The following ANO3 variants were observed in gnomAD, a reference collection of about 807,000 sequenced individuals.
ANO3 encodes anoctamin-3.
ANO3 carries 99 observed loss-of-function variants against 144.8 expected under a neutral mutation model. The ratio of observed to expected loss-of-function variants is 0.68; its 90% CI spans 0.58 to 0.81. The LOEUF is 0.81. Among genes scored for constraint, ANO3 ranks in the 30% least tolerant of loss-of-function variants. The pLI is 0.00. For missense variants in ANO3, 905 were observed against 1,202.2 expected (o/e 0.75, Z 3.66); for synonymous variants, 414 against 392.6 (o/e 1.05, Z -0.64).
intron 14 of ANO3, chr11:26,565,098 T>C: frequency 7.0e-7 from 1 of 1,432,532 alleles, no homozygotes; most frequent in South Asian, 1.5e-5. Context: ...TCCTTAGACT[T>C]ACTCTGCATG....
intron 1 of ANO3, among the ~76,000 whole-genome samples, chr11:26,412,065 T>C (rs1857447425): frequency 6.6e-6 from 1 of 152,050 alleles, no homozygotes; most frequent in Non-Finnish European, 1.5e-5. Flanking sequence ...AGTTATATAC[T>C]GATCATTTCT....
At chr11:26,350,257 AC>A (rs1229957572) in intron 1 of ANO3, among the ~76,000 whole-genome samples, 2 of 152,070 alleles carry the variant, frequency 1.3e-5, no homozygotes, top group East Asian at 3.9e-4. Context: ...GTCAGGAAAC[AC>A]CCATCAGCAC....
chr11:26,334,747 C>T (rs970332559), intron 1 of ANO3, among the ~76,000 whole-genome samples: 1 of 152,096 alleles, frequency 6.6e-6, no homozygotes, highest in African/African-American at 2.4e-5. Context: ...TTTACTTTTA[C>T]GAATTAATTT....
chr11:26,253,070 C>T (rs1161738218), intron 1 of ANO3, among the ~76,000 whole-genome samples: 1 of 152,148 alleles, frequency 6.6e-6, no homozygotes, highest in Non-Finnish European at 1.5e-5. Flanking sequence ...TAACGCTTCA[C>T]AATAATGACT....
intron 1 of ANO3, among the ~76,000 whole-genome samples, chr11:26,341,049 C>CTCTTT (rs888346184): frequency 3.9e-5 from 6 of 152,120 alleles, no homozygotes; most frequent in South Asian, 2.1e-4. Flanking sequence ...TCCTTCTCTT[C>CTCTTT]TCTTTTCTTT....
intron 1 of ANO3, among the ~76,000 whole-genome samples, chr11:26,201,125 A>G (rs925396966): frequency 6.6e-6 from 1 of 152,182 alleles, no homozygotes; most frequent in Non-Finnish European, 1.5e-5. Flanking sequence ...ACCAAAAGTC[A>G]CATATATAAG....
intron 1 of ANO3, among the ~76,000 whole-genome samples, chr11:26,385,908 T>TATATATATATAC (rs1310559300): frequency 6.3e-4 from 94 of 149,456 alleles, no homozygotes; most frequent in African/African-American, 2.1e-3. Context: ...TATATTTATA[T>TATATATATATAC]ACATATTTAC....
intron 17 of ANO3, 33 bp downstream of exon 17, chr11:26,599,747 A>G: frequency 6.3e-7 from 1 of 1,583,008 alleles, no homozygotes; most frequent in Admixed American, 1.7e-5. Flanking sequence ...TTCAGTAGAC[A>G]AAAAAGGGGT....
intron 26 of ANO3, among the ~76,000 whole-genome samples, chr11:26,657,710 C>G (rs992181734): frequency 3.3e-5 from 5 of 150,630 alleles, no homozygotes; most frequent in Non-Finnish European, 7.4e-5. Context: ...TTTGAGTGTT[C>G]TTTTTCAAAA....
chr11:26,205,584 G>A (rs575263997), intron 1 of ANO3, among the ~76,000 whole-genome samples: 2 of 152,280 alleles, frequency 1.3e-5, no homozygotes, highest in East Asian at 3.9e-4. Flanking sequence ...TTTGGCCAGA[G>A]CAGTCACTCT....
chr11:26,548,244 T>G (rs1232996116), intron 12 of ANO3, among the ~76,000 whole-genome samples: 1 of 151,968 alleles, frequency 6.6e-6, no homozygotes, highest in Non-Finnish European at 1.5e-5. Flanking sequence ...ATGGTGATGC[T>G]TCTGTTAAAG....
At chr11:26,658,386 G>A (rs933194487) in intron 26 of ANO3, among the ~76,000 whole-genome samples, 1 of 146,694 alleles carries the variant, frequency 6.8e-6, no homozygotes, top group Admixed American at 6.8e-5. Context: ...GGCCCAGGCA[G>A]GTGGATCACC....
chr11:26,415,087 T>TGTGC (rs1857544752), intron 1 of ANO3, among the ~76,000 whole-genome samples: 1 of 147,908 alleles, frequency 6.8e-6, no homozygotes, highest in African/African-American at 2.6e-5. Context: ...TGTGTGTGTG[T>TGTGC]GTTTGGGAGT....
intron 18 of ANO3, among the ~76,000 whole-genome samples, chr11:26,629,709 G>A (rs1337649704): frequency 6.6e-6 from 1 of 151,982 alleles, no homozygotes; most frequent in African/African-American, 2.4e-5. Context: ...TCGACTCACC[G>A]CAACCTCCGC....
chr11:26,553,212 ATGTTT>A (rs771953129), intron 12 of ANO3, 32 bp from the exon 13 acceptor site: 15 of 1,240,180 alleles, frequency 1.2e-5, no homozygotes, highest in South Asian at 3.8e-5. Flanking sequence ...GTTTCATGCT[ATGTTT>A]TGTTTTGTTT....
Position 26,245,018 on chromosome 11 carries a change from T to TGTGTGTGTGCGC in ANO3, c.154+55691_154+55692insTGTGTGCGCGTG, listed in dbSNP as rs151031559. On this transcript the variant is annotated intron_variant, in intron 1 of 27. Transcript: ENST00000672621. ...GTGTGTGTGTGTGTGTGTGTGTGTG[T>TGTGTGTGTGCGC]GTGCATGCATGCATTTGTCTTTCAT... 9.0e-4 allele frequency among the ~76,000 whole-genome samples: 131 copies of TGTGTGTGTGCGC among 145,424 alleles called. 1 individual carries two copies. The highest frequency in any genetic ancestry group is 2.6e-3 in the East Asian group (13 of 5,008).
At chr11:26,263,986 C>A (rs747963183) in intron 1 of ANO3, among the ~76,000 whole-genome samples, 5 of 152,142 alleles carry the variant, frequency 3.3e-5, no homozygotes, top group African/African-American at 1.2e-4. Context: ...ACATTTAGTT[C>A]CATGTAATCA....
chr11:26,525,739 G>C, intron 7 of ANO3, 60 bp downstream of exon 7: 1 of 1,293,662 alleles, frequency 7.7e-7, no homozygotes, highest in Non-Finnish European at 1.1e-6. Flanking sequence ...AAAATAAGAA[G>C]ATATTTGATT....
At chr11:26,599,496 T>C in intron 16 of ANO3, 54 bp from the exon 17 acceptor site, 1 of 1,567,230 alleles carries the variant, frequency 6.4e-7, no homozygotes, top group South Asian at 1.2e-5. Flanking sequence ...GTTTTGCTTT[T>C]GACTTGTTAA....
Sources: gnomAD v4.1 joint callset for allele counts (sites outside exome capture counted in the v4.1 genomes callset) on GRCh38, gnomAD v4.1.1 for gene constraint, MANE v1.5 for transcripts, NCBI Gene and HGNC (gene_info 2026-07-23, HGNC 2026-07-21) for gene names.